Variants in STAU1 observed in about 807,000 individuals in gnomAD.
STAU1 encodes the protein double-stranded RNA-binding protein Staufen homolog 1.
Under a neutral mutation model 62.9 loss-of-function variants are expected in STAU1, and 13 were observed. That is an observed-to-expected ratio of 0.21 (90% CI 0.13 to 0.33). The LOEUF (loss-of-function observed/expected upper bound fraction) is 0.33, where lower values mean the gene tolerates loss of function less well. STAU1 is among the 10% of genes least tolerant of loss of function. STAU1 has a pLI of 1.00. For missense variants in STAU1, 571 were observed against 712.1 expected, an observed-to-expected ratio of 0.80 and a Z score of 2.25; for synonymous variants, 269 against 265.1, an observed-to-expected ratio of 1.01 and a Z score of -0.14.
At chr20:49,195,898 C>CAA in the STAU1 span, among the ~76,000 whole-genome samples, 147 of 33,444 alleles carry the variant, frequency 4.4e-3, no homozygotes, top group East Asian at 7.6e-3. Context: ...AACTTCCTCT[C>CAA]AAAAAAAAAA....
the STAU1 span, among the ~76,000 whole-genome samples, chr20:49,214,084 C>G: frequency 2.0e-5 from 3 of 151,926 alleles, no homozygotes; most frequent in Non-Finnish European, 4.4e-5. Context: ...TGGTGATGCA[C>G]CCCTGTAATC....
intron 6 of STAU1, among the ~76,000 whole-genome samples, chr20:49,126,044 T>C (rs565658481): frequency 6.6e-6 from 1 of 152,012 alleles, no homozygotes; most frequent in Non-Finnish European, 1.5e-5. Context: ...TTAAAGTGAT[T>C]ACAATCTCCA....
In STAU1 at chr20:49,113,794, C is replaced by T. The variant is rs780061278; in HGVS notation, c.*1084G>A. On this transcript the variant is annotated 3_prime_UTR_variant, in exon 14 of 14. Coordinates refer to ENST00000371856, the MANE Select transcript of STAU1 (RefSeq NM_017453.4). ...CAGTATCGAGCACTCTGGAAAATCACTCTGCAGGTTTATATGGACTACATG... is the reference window on the plus strand; with the variant it reads ...CAGTATCGAGCACTCTGGAAAATCATTCTGCAGGTTTATATGGACTACATG... The T allele has an allele frequency of 6.6e-6, 1 of 152,640 alleles. No individual in the cohort carries two copies. Among genetic ancestry groups the T allele is most frequent in the Non-Finnish European group, 1.5e-5 (1 of 68,036 alleles). 9.5% of individuals were successfully genotyped at this position (152,640 alleles called of 1,614,324 possible).
At chr20:49,134,569 A>G (rs1039387058) in intron 6 of STAU1, 44 of 1,299,146 alleles carry the variant, frequency 3.4e-5, no homozygotes, top group Non-Finnish European at 4.9e-5. Flanking sequence ...AATTCAAAGG[A>G]CCTGCCCCCA....
intron 1 of STAU1, among the ~76,000 whole-genome samples, chr20:49,185,229 T>C (rs2093773144): frequency 6.6e-6 from 1 of 152,266 alleles, no homozygotes; most frequent in African/African-American, 2.4e-5. Context: ...GTTTTCATTA[T>C]GAATTATTAA....
chr20:49,115,962 A>G, intron 12 of STAU1, 95 bp from the exon 13 acceptor site: 1 of 994,932 alleles, frequency 1.0e-6, no homozygotes, highest in South Asian at 1.5e-5. Context: ...CCTGCTGCCC[A>G]GCAAACAGGT....
At chr20:49,161,510 G>A (rs1391940601) in intron 3 of STAU1, among the ~76,000 whole-genome samples, 1 of 152,126 alleles carries the variant, frequency 6.6e-6, no homozygotes, top group Non-Finnish European at 1.5e-5. Flanking sequence ...ATAAAAAATA[G>A]AGAACATTCC....
intron 2 of STAU1, among the ~76,000 whole-genome samples, chr20:49,171,777 A>G (rs1040446815): frequency 6.6e-6 from 1 of 152,206 alleles, no homozygotes; most frequent in Non-Finnish European, 1.5e-5. Flanking sequence ...AAGCATGTCA[A>G]TCACTATCGT....
At chr20:49,193,587 C>G in the STAU1 span, among the ~76,000 whole-genome samples, 2 of 152,104 alleles carry the variant, frequency 1.3e-5, no homozygotes, top group South Asian at 4.1e-4. Context: ...AGGATAATCG[C>G]TTGAACGCGG....
intron 4 of STAU1, among the ~76,000 whole-genome samples, chr20:49,153,710 C>CAAAAAAAAAAAAAAAAAA (rs145558067): frequency 3.1e-4 from 21 of 67,592 alleles, no homozygotes; most frequent in South Asian, 5.7e-4. Flanking sequence ...GACTCTGTCT[C>CAAAAAAAAAAAAAAAAAA]AAAAAAAAAA....
rs753399348 is a variant in STAU1, at chr20:49,154,110, T to G, written c.206-39A>C. The G allele has an allele frequency of 4.5e-6, 7 of 1,571,730 alleles. No individual in the cohort carries two copies. In the Admixed American group the frequency reaches 1.2e-4, roughly 27 times the overall value. ...TCGACAAAGAACTGTTTTTTTCTGG[T>G]ATGAGAATGATACTCACTAAAATAA... On this transcript the variant is annotated intron_variant, in intron 3 of 13. Coordinates refer to ENST00000371856, the MANE Select transcript of STAU1 (RefSeq NM_017453.4).
At chr20:49,150,041 T>A (rs1007714698) in intron 5 of STAU1, among the ~76,000 whole-genome samples, 1 of 152,236 alleles carries the variant, frequency 6.6e-6, no homozygotes, top group Non-Finnish European at 1.5e-5. Context: ...AACAGAATTA[T>A]GAAATCTCAA....
intron 6 of STAU1, among the ~76,000 whole-genome samples, chr20:49,133,817 A>T (rs1427169094): frequency 6.6e-6 from 1 of 152,190 alleles, no homozygotes; most frequent in Non-Finnish European, 1.5e-5. Context: ...CAGGTGGGCC[A>T]CAGTAGGGAG....
intron 5 of STAU1, among the ~76,000 whole-genome samples, chr20:49,141,426 C>A (rs6063361): frequency 1.3e-5 from 2 of 151,884 alleles, no homozygotes; most frequent in Admixed American, 6.6e-5. Flanking sequence ...TTAATCTCTA[C>A]AAAAAAATTT....
At chr20:49,210,004 G>A in the STAU1 span, among the ~76,000 whole-genome samples, 383 of 151,532 alleles carry the variant, frequency 2.5e-3, 1 homozygote, top group Non-Finnish European at 4.4e-3. Context: ...AGCCGAGATA[G>A]TGCCATTGCA....
intron 3 of STAU1, among the ~76,000 whole-genome samples, chr20:49,161,697 G>A (rs146450566): frequency 2.4e-4 from 37 of 152,248 alleles, no homozygotes; most frequent in African/African-American, 8.7e-4. Context: ...AAGTGAAAAC[G>A]TTAAGAGCAC....
chr20:49,161,009 A>G (rs931153272), intron 3 of STAU1, among the ~76,000 whole-genome samples: 2 of 151,950 alleles, frequency 1.3e-5, no homozygotes. Context: ...ACAACCATAC[A>G]CTATTTGGAG....
chr20:49,154,437 C>G (rs1033481724), intron 3 of STAU1, among the ~76,000 whole-genome samples: 4 of 152,216 alleles, frequency 2.6e-5, no homozygotes, highest in African/African-American at 7.2e-5. Context: ...TTTGAGAATA[C>G]TTAATCAATA....
chr20:49,216,470 G>A, the STAU1 span, among the ~76,000 whole-genome samples: 7 of 152,058 alleles, frequency 4.6e-5, no homozygotes, highest in Non-Finnish European at 5.9e-5. Flanking sequence ...AGAGGTTGCA[G>A]TGAGCCGAGA....
Sources: allele counts gnomAD v4.1 joint callset (sites outside exome capture counted in the v4.1 genomes callset), GRCh38; gene constraint gnomAD v4.1.1; transcripts MANE v1.5; gene names NCBI Gene and HGNC (gene_info 2026-07-23, HGNC 2026-07-21).